Variants in SLC12A5 observed in about 807,000 individuals in gnomAD.
SLC12A5 encodes the protein solute carrier family 12 member 5.
In SLC12A5, 18 loss-of-function variants were observed where a neutral mutation model predicts 124.0. That is an observed-to-expected ratio of 0.15 (90% CI 0.10 to 0.22). The LOEUF (loss-of-function observed/expected upper bound fraction) is 0.22. Ranked by LOEUF, SLC12A5 falls within the 10% of genes least tolerant of loss-of-function variation. SLC12A5 has a pLI of 1.00. For synonymous variants in SLC12A5, 589 were observed against 568.0 expected (o/e 1.04, Z -0.53); for missense variants, 867 against 1,478.7 (o/e 0.59, Z 6.78).
chr20:46,029,104 C>T (rs764595116), upstream of SLC12A5: 154 of 1,330,982 alleles, frequency 1.2e-4, no homozygotes, highest in Non-Finnish European at 1.4e-4. Flanking sequence ...CCGCCAGTGG[C>T]TCACGCCTCC....
chr20:46,032,654 C>T (rs1226500848), intron 1 of SLC12A5, among the ~76,000 whole-genome samples: 3 of 152,160 alleles, frequency 2.0e-5, no homozygotes, highest in Non-Finnish European at 4.4e-5. Flanking sequence ...TTGTGACTTG[C>T]TGAAAGTGAC....
chr20:46,046,017 C>T (rs1256125244), intron 13 of SLC12A5, 21 bp downstream of exon 13: 2 of 1,602,430 alleles, frequency 1.2e-6, no homozygotes, highest in South Asian at 1.1e-5. Context: ...GACTTCTTGC[C>T]CTCCCCCCTG....
At chr20:46,043,571 T>A in intron 9 of SLC12A5, 62 bp from the exon 10 acceptor site, 1 of 1,556,338 alleles carries the variant, frequency 6.4e-7, no homozygotes, top group Non-Finnish European at 8.8e-7. Flanking sequence ...GTGCCCTTTT[T>A]TCTCATCTGT....
chr20:46,054,889 C>G (rs751510624), intron 20 of SLC12A5, 27 bp from the exon 21 acceptor site: 2 of 1,582,138 alleles, frequency 1.3e-6, no homozygotes, highest in East Asian at 2.2e-5. Flanking sequence ...TCCCCACCCC[C>G]CAACCCCAAC....
upstream of SLC12A5, among the ~76,000 whole-genome samples, chr20:46,028,718 G>A (rs2084418750): frequency 6.6e-6 from 1 of 152,140 alleles, no homozygotes; most frequent in Admixed American, 6.5e-5. Context: ...CTCCAGTCTT[G>A]CAGAGAGGCT....
rs765342469 is a variant in SLC12A5, at chr20:46,049,575, G to A, written c.2013-47G>A. The A allele has an allele frequency of 2.6e-6, 4 of 1,564,638 alleles. No homozygotes were observed. The South Asian group carries it at 3.5e-5, about 14-fold the overall frequency. Reference sequence around the variant, plus strand: ...GGTGGTGGGTGTATGGTGTGTGGATGGTTGGTTACATGGTATATGGATTAT... The same window carrying A: ...GGTGGTGGGTGTATGGTGTGTGGATAGTTGGTTACATGGTATATGGATTAT... On this transcript the variant is annotated intron_variant, in intron 16 of 25. Coordinates refer to ENST00000243964, the MANE Select transcript of SLC12A5 (RefSeq NM_020708.5).
chr20:46,043,886 C>T lies in SLC12A5; in HGVS notation c.1347C>T (p.Ser449=), dbSNP rs1322020485. ...TATCCTCTGCTGCAGACATCAGCTC[C>T]GTTGTTCTGTTTGGGGCCTGCATTG... is the stretch of plus-strand genomic sequence containing the variant. The part of the protein sequence containing the change: ...IATTSAVYIS[S]VVLFGACIEG... Residue 449 remains serine (S), a synonymous_variant, in exon 11 of 26, where the codon TCC becomes TCT. Transcript: ENST00000243964. 3 of 1,612,804 alleles carry T rather than the reference C, an allele frequency of 1.9e-6. No homozygotes were observed. Among genetic ancestry groups the T allele is most frequent in the Admixed American group, 1.7e-5 (1 of 59,914 alleles).
At chr20:46,042,161 C>T (rs1416482429) in intron 8 of SLC12A5, among the ~76,000 whole-genome samples, 2 of 152,042 alleles carry the variant, frequency 1.3e-5, no homozygotes, top group South Asian at 2.1e-4. Flanking sequence ...GAGAAAGAAG[C>T]GATGTAGGAG....
At chr20:46,048,596 G>A (rs6032634) in intron 16 of SLC12A5, among the ~76,000 whole-genome samples, 1 of 152,284 alleles carries the variant, frequency 6.6e-6, no homozygotes, top group African/African-American at 2.4e-5. Context: ...GGGATGCCGA[G>A]CGCGGTGGCT....
chr20:46,042,110 G>T (rs1210189792), intron 8 of SLC12A5, among the ~76,000 whole-genome samples: 1 of 152,200 alleles, frequency 6.6e-6, no homozygotes, highest in Non-Finnish European at 1.5e-5. Flanking sequence ...CCAATCACAA[G>T]TAATTTGGTA....
At chr20:46,044,904 G>C in intron 11 of SLC12A5, 62 bp from the exon 12 acceptor site, 1 of 1,601,544 alleles carries the variant, frequency 6.2e-7, no homozygotes, top group Non-Finnish European at 8.5e-7. Flanking sequence ...TTGGTATGGA[G>C]ACCTGCCCTG....
chr20:46,057,103 G>A lies in SLC12A5; in HGVS notation c.3126-67G>A. ...CCAGCAGCCCAGTTCGGGCTGGAAG[G>A]GCGACTGGCTCCAATCTTCTCTACC... On this transcript the variant is annotated intron_variant, in intron 24 of 25. Transcript: ENST00000243964. The surrounding 1 kb of genome is among the most constrained non-coding windows in gnomAD (Gnocchi z 7.1). 6.2e-7 allele frequency: 1 copy of A among 1,606,740 alleles called. No individual in the cohort carries two copies. The highest frequency in any genetic ancestry group is 1.3e-5 in the African/African-American group (1 of 74,830).
upstream of SLC12A5, among the ~76,000 whole-genome samples, chr20:46,025,778 A>G (rs12479823): frequency 0.029 from 4,431 of 152,162 alleles, 175 homozygotes; most frequent in Admixed American, 0.12. Context: ...TCACTGCTAC[A>G]GTTTTGGGTC....
intron 1 of SLC12A5, among the ~76,000 whole-genome samples, chr20:46,030,897 C>A (rs1002741282): frequency 5.3e-5 from 8 of 152,010 alleles, no homozygotes; most frequent in African/African-American, 1.4e-4. Flanking sequence ...CTCTCATCCA[C>A]CTCCCCAGTG....
chr20:46,024,200 T>G (rs534452402), downstream of SLC12A5, among the ~76,000 whole-genome samples: 14 of 151,942 alleles, frequency 9.2e-5, no homozygotes, highest in South Asian at 1.0e-3. Context: ...CCATTAGTTT[T>G]GATGACCTGT....
rs923183664 is a variant in SLC12A5, at chr20:46,058,591, C to T, written c.*986C>T. 2 of 399,108 alleles carry T rather than the reference C, an allele frequency of 5.0e-6. No individual in the cohort carries two copies. The highest frequency in any genetic ancestry group is 4.1e-5 in the African/African-American group (2 of 48,632). 24.7% of individuals were successfully genotyped at this position (399,108 alleles called of 1,614,324 possible). On this transcript the variant is annotated 3_prime_UTR_variant, in exon 26 of 26. Transcript: ENST00000243964. This position sits in a 1 kb window ranked among gnomAD's most constrained non-coding sequence, Gnocchi z 5.8. ...GAGGCCCGCGCCCCACCGAGGAAGCCCCGCCCCGGTGCCTTCGCTGGGGAG... is the reference window on the plus strand; with the variant it reads ...GAGGCCCGCGCCCCACCGAGGAAGCTCCGCCCCGGTGCCTTCGCTGGGGAG...
chr20:46,048,967 G>T (rs1322693337), intron 16 of SLC12A5, among the ~76,000 whole-genome samples: 1 of 152,128 alleles, frequency 6.6e-6, no homozygotes, highest in Non-Finnish European at 1.5e-5. Context: ...TTAGCCCTGG[G>T]TGCTGCATGC....
At position 46,035,011 on chromosome 20, in the gene SLC12A5, A is replaced by T. The variant is rs376521903; in HGVS notation, c.116A>T (p.Glu39Val). Reference protein sequence around the residue: ...INSTDTEKGKEYDGKNMALFE... With the variant: ...INSTDTEKGKVYDGKNMALFE... ...AGCACCGACACAGAGAAGGGAAAGGAGTATGATGGCAAGAACATGGCCTTG... is the reference window on the plus strand; with the variant it reads ...AGCACCGACACAGAGAAGGGAAAGGTGTATGATGGCAAGAACATGGCCTTG... Residue 39 changes from glutamate to valine, a missense_variant, in exon 2 of 26, where the codon GAG becomes GTG. This residue lies in a region of SLC12A5 where 58 missense variants were observed against 52.2 expected (regional missense o/e 1.11). Transcript: ENST00000243964. 53 of 1,613,858 alleles carry T rather than the reference A, an allele frequency of 3.3e-5. No individual in the cohort carries two copies. Among genetic ancestry groups the T allele is most frequent in the Non-Finnish European group, 4.0e-5 (47 of 1,179,936 alleles).
At position 46,048,029 on chromosome 20, in the gene SLC12A5, G is replaced by T; in HGVS notation, c.1956G>T (p.Ala652=). Residue 652 remains alanine (A), a synonymous_variant, in exon 16 of 26, where the codon GCG becomes GCT. Coordinates refer to ENST00000243964, the MANE Select transcript of SLC12A5 (RefSeq NM_020708.5). ...GDGIRGLSLS[A]ARYALLRLEE... is the part of the protein sequence containing the mutation. ...GGATACGAGGTCTGTCTCTCAGTGCGGCTCGCTATGCCCTCTTACGCCTGG... is the reference window on the plus strand; with the variant it reads ...GGATACGAGGTCTGTCTCTCAGTGCTGCTCGCTATGCCCTCTTACGCCTGG... The T allele has an allele frequency of 6.2e-7, 1 of 1,613,002 alleles. No individual in the cohort carries two copies. The highest frequency in any genetic ancestry group is 8.5e-7 in the Non-Finnish European group (1 of 1,179,564).
Sources: gnomAD v4.1 joint callset for allele counts (sites outside exome capture counted in the v4.1 genomes callset) on GRCh38, gnomAD v4.1.1 for gene constraint, gnomAD v4.1.1 regional missense constraint, Gnocchi (gnomAD v3.1) non-coding constraint, MANE v1.5 for transcripts, NCBI Gene and HGNC (gene_info 2026-07-23, HGNC 2026-07-21) for gene names.